SGCD: variants seen among roughly 807,000 people sequenced by gnomAD.
SGCD encodes the protein delta-sarcoglycan.
SGCD carries 18 observed loss-of-function variants against 36.6 expected under a neutral mutation model. That is an observed-to-expected ratio of 0.49 (90% CI 0.34 to 0.73). The LOEUF (loss-of-function observed/expected upper bound fraction) is 0.73, where lower values mean the gene tolerates loss of function less well. Among genes scored for constraint, SGCD ranks in the 30% least tolerant of loss-of-function variants. The pLI, the probability that SGCD is intolerant of heterozygous loss-of-function variation, is 0.01. For missense variants in SGCD, 387 were observed against 346.7 expected (o/e 1.12, Z -0.92); for synonymous variants, 133 against 130.6 (o/e 1.02, Z -0.12).
chr5:156,682,675 G>A (rs1753764446), intron 7 of SGCD, among the ~76,000 whole-genome samples: 1 of 152,218 alleles, frequency 6.6e-6, no homozygotes, highest in Admixed American at 6.5e-5. Context: ...GAAGAAACCA[G>A]CACGTCTAAC....
At chr5:156,321,661 C>A (rs1767673602) in intron 3 of SGCD, among the ~76,000 whole-genome samples, 2 of 152,098 alleles carry the variant, frequency 1.3e-5, no homozygotes. Context: ...ATGAGGACAC[C>A]ATTCTCCTGG....
At chr5:156,410,499 C>T (rs1772681030) in intron 3 of SGCD, among the ~76,000 whole-genome samples, 1 of 152,186 alleles carries the variant, frequency 6.6e-6, no homozygotes, top group Non-Finnish European at 1.5e-5. Context: ...CAAACCTGCA[C>T]ATGTACCTTC....
intron 6 of SGCD, among the ~76,000 whole-genome samples, chr5:156,620,043 C>A (rs534830659): frequency 6.0e-4 from 92 of 152,224 alleles, no homozygotes; most frequent in Non-Finnish European, 1.1e-3. Flanking sequence ...AAAGTTTCTC[C>A]CCTTTAGAAC....
chr5:156,069,324 T>A (rs1263534100), intron 1 of SGCD, among the ~76,000 whole-genome samples: 1 of 152,078 alleles, frequency 6.6e-6, no homozygotes, highest in Non-Finnish European at 1.5e-5. Context: ...AGGGATCCAT[T>A]TTCAGCTTTC....
At chr5:156,582,613 A>G (rs1048468427) in intron 4 of SGCD, among the ~76,000 whole-genome samples, 1 of 152,224 alleles carries the variant, frequency 6.6e-6, no homozygotes, top group Non-Finnish European at 1.5e-5. Flanking sequence ...CCTCACCCCT[A>G]AAGAAAATAT....
rs115061139 is a variant in SGCD, at chr5:156,228,464, G to T, written c.-43-101070G>T. Among the ~76,000 whole-genome samples, 1,399 of 152,192 alleles carry T rather than the reference G, an allele frequency of 9.2e-3. 29 individuals are homozygous for T. Among genetic ancestry groups the T allele is most frequent in the African/African-American group, 0.032 (1,324 of 41,536 alleles). On this transcript the variant is annotated intron_variant, in intron 3 of 9. Transcript: ENST00000517913. The stretch of plus-strand genomic sequence containing the variant: ...GTCTAATGTAAGAATAGCTACCCCT[G>T]CTTGCTTTTGATGTCAATTTGCATT...
the SGCD span, among the ~76,000 whole-genome samples, chr5:155,827,089 A>T: frequency 4.6e-5 from 7 of 152,222 alleles, no homozygotes; most frequent in Non-Finnish European, 8.8e-5. Context: ...TTGACCAGCC[A>T]TCCCAGTTTG....
chr5:156,380,627 G>A (rs1037900223), intron 3 of SGCD, among the ~76,000 whole-genome samples: 1 of 152,224 alleles, frequency 6.6e-6, no homozygotes, highest in Non-Finnish European at 1.5e-5. Flanking sequence ...TAAGACTGAT[G>A]TAGGTTAGAC....
Position 155,922,369 on chromosome 5 carries a change from C to T in SGCD, c.-282+51945C>T, listed in dbSNP as rs936604912. Among the ~76,000 whole-genome samples the T allele has an allele frequency of 2.0e-5, 3 of 152,082 alleles. No homozygotes were observed. The East Asian group carries it at 5.8e-4, about 29-fold the overall frequency. On this transcript the variant is annotated intron_variant, in intron 1 of 9. Coordinates refer to the SGCD transcript ENST00000517913. Reference sequence around the variant, plus strand: ...ACGTGGCAGGGATGTGCCTGAACCCCCACCTCCCAGTTCAGTCCTTATTCC... The same window carrying T: ...ACGTGGCAGGGATGTGCCTGAACCCTCACCTCCCAGTTCAGTCCTTATTCC...
At chr5:156,529,762 A>G (rs1266864841) in intron 4 of SGCD, among the ~76,000 whole-genome samples, 1 of 152,188 alleles carries the variant, frequency 6.6e-6, no homozygotes, top group Non-Finnish European at 1.5e-5. Context: ...TGTTACTTTG[A>G]TTTTGTGATC....
chr5:156,532,385 C>T (rs1284791460), intron 4 of SGCD, among the ~76,000 whole-genome samples: 1 of 152,088 alleles, frequency 6.6e-6, no homozygotes, highest in Non-Finnish European at 1.5e-5. Flanking sequence ...AATTTGAATC[C>T]AAATACCATG....
intron 3 of SGCD, among the ~76,000 whole-genome samples, chr5:156,498,354 T>G (rs1050243131): frequency 2.6e-5 from 4 of 152,034 alleles, no homozygotes; most frequent in African/African-American, 9.7e-5. Flanking sequence ...TTTTAGTAAA[T>G]TTGCTTTTAT....
intron 3 of SGCD, among the ~76,000 whole-genome samples, chr5:156,355,456 T>C (rs564497949): frequency 4.0e-5 from 6 of 151,346 alleles, no homozygotes; most frequent in African/African-American, 4.9e-5. Flanking sequence ...ATATTCTTAA[T>C]TGGAAAAGTT....
the SGCD span, among the ~76,000 whole-genome samples, chr5:155,840,304 C>A: frequency 3.3e-5 from 5 of 149,692 alleles, no homozygotes; most frequent in South Asian, 8.5e-4. Flanking sequence ...AGTGCAGTGG[C>A]GTGATCTCGG....
At chr5:156,688,120 C>T (rs1753974414) in intron 7 of SGCD, among the ~76,000 whole-genome samples, 1 of 152,016 alleles carries the variant, frequency 6.6e-6, no homozygotes, top group Non-Finnish European at 1.5e-5. Context: ...TAGGTAAACT[C>T]GTGTCGCGGG....
At chr5:155,769,376 A>G in the SGCD span, among the ~76,000 whole-genome samples, 3 of 152,002 alleles carry the variant, frequency 2.0e-5, no homozygotes, top group East Asian at 3.9e-4. Flanking sequence ...ACAGCCAAAA[A>G]AAAAAGAAAG....
chr5:155,893,784 G>A (rs919701425), intron 1 of SGCD, among the ~76,000 whole-genome samples: 4 of 152,170 alleles, frequency 2.6e-5, no homozygotes, highest in South Asian at 2.1e-4. Context: ...AGATAATTTC[G>A]TTGTTGTGCT....
chr5:156,556,727 A>T (rs925598623), intron 4 of SGCD, among the ~76,000 whole-genome samples: 1 of 152,208 alleles, frequency 6.6e-6, no homozygotes, highest in Non-Finnish European at 1.5e-5. Context: ...TTTTACTCTC[A>T]GATTGCCTGA....
At chr5:156,349,596 A>T (rs547547808) in intron 3 of SGCD, among the ~76,000 whole-genome samples, 1 of 152,056 alleles carries the variant, frequency 6.6e-6, no homozygotes, top group Non-Finnish European at 1.5e-5. Context: ...AAAAAAATAG[A>T]TGTTGGTTTG....
Sources: allele counts gnomAD v4.1 joint callset (sites outside exome capture counted in the v4.1 genomes callset), GRCh38; gene constraint gnomAD v4.1.1; transcripts MANE v1.5; gene names NCBI Gene and HGNC (gene_info 2026-07-23, HGNC 2026-07-21).